Variants in COL12A1 observed in about 807,000 individuals in gnomAD.
COL12A1 encodes the protein collagen alpha-1(XII) chain.
COL12A1 carries 114 observed loss-of-function variants against 349.7 expected under a neutral mutation model. The observed-to-expected ratio is 0.33, with a 90% CI of 0.28 to 0.38. The LOEUF is 0.38. COL12A1 is among the 10% of genes least tolerant of loss of function. The pLI is 1.00. For synonymous variants in COL12A1, 1,369 were observed against 1,329.0 expected (o/e 1.03, Z -0.66); for missense variants, 3,284 against 3,756.9 (o/e 0.87, Z 3.29).
At position 75,143,142 on chromosome 6, in the gene COL12A1, A is replaced by G. The variant is rs1044059812; in HGVS notation, c.4827+110T>C. 5 of 1,283,976 alleles carry G rather than the reference A, an allele frequency of 3.9e-6. No homozygotes were observed. In the African/African-American group the frequency reaches 5.9e-5, roughly 15 times the overall value. 79.5% of individuals were successfully genotyped at this position (1,283,976 alleles called of 1,614,324 possible). A position where few individuals can be genotyped will look rare whatever the true frequency, so the allele number is the denominator to read the frequency against. On this transcript the variant is annotated intron_variant, in intron 26 of 65. Transcript: ENST00000322507. ...ATCACAAGTTTTCAACACTGTGTTA[A>G]CAAAGTGACAAGTATTCAAAACATG...
chr6:75,177,673 G>T lies in COL12A1; in HGVS notation c.2427C>A (p.Ala809=). The part of the protein sequence containing the change: ...GPGTPLTGNA[A]TEEVRGNPRD... ...GCATATTTCCTCTACCTTCTTCAGTGGCTGCATTTCCAGTTAATGGAGTAC... is the reference window on the plus strand; with the variant it reads ...GCATATTTCCTCTACCTTCTTCAGTTGCTGCATTTCCAGTTAATGGAGTAC... The change falls in exon 12 of 66, where the codon GCC becomes GCA. Residue 809 remains alanine, a synonymous_variant. Coordinates refer to ENST00000322507, the MANE Select transcript of COL12A1 (RefSeq NM_004370.6). 1 of 1,614,050 alleles carries T rather than the reference G, an allele frequency of 6.2e-7. No homozygotes were observed. Among genetic ancestry groups the T allele is most frequent in the Non-Finnish European group, 8.5e-7 (1 of 1,180,016 alleles).
intron 21 of COL12A1, among the ~76,000 whole-genome samples, chr6:75,148,802 C>T (rs1005399800): frequency 6.6e-5 from 10 of 152,156 alleles, no homozygotes; most frequent in Non-Finnish European, 8.8e-5. Flanking sequence ...ACTCAAGACC[C>T]GATATGGTTT....
At chr6:75,129,938 A>G (rs1209125471) in intron 37 of COL12A1, among the ~76,000 whole-genome samples, 153 bp downstream of exon 37, 1 of 152,208 alleles carries the variant, frequency 6.6e-6, no homozygotes, top group Non-Finnish European at 1.5e-5. Context: ...AAGTAAGCAC[A>G]TTTGGGTGGT....
intron 1 of COL12A1, among the ~76,000 whole-genome samples, chr6:75,203,528 T>A (rs991765971): frequency 9.9e-5 from 15 of 152,256 alleles, no homozygotes; most frequent in African/African-American, 3.6e-4. Flanking sequence ...TTCCAACGTG[T>A]TTTTAAATAA....
intron 1 of COL12A1, among the ~76,000 whole-genome samples, chr6:75,203,175 A>G (rs1367117515): frequency 1.4e-5 from 2 of 139,996 alleles, no homozygotes; most frequent in Non-Finnish European, 3.1e-5. Flanking sequence ...TCAACTAAAT[A>G]TCTCTTCCAG....
In COL12A1 at chr6:75,123,339, C is replaced by T. The variant is rs767539024; in HGVS notation, c.6937G>A (p.Ala2313Thr). Reference sequence around the variant, plus strand: ...ATTTAGCTGTACTTACCATCCCGGGCTGGTGGAATGGTGGGAGGGGGAGGA... The same window carrying T: ...ATTTAGCTGTACTTACCATCCCGGGTTGGTGGAATGGTGGGAGGGGGAGGA... ...TPPPPPTIPP[A>T]RDVCKGAKAD... Residue 2313 changes from alanine (A) to threonine (T), a missense_variant, in exon 43 of 66, where the codon GCC (alanine) becomes ACC (threonine). This residue lies in a region of COL12A1 where 2,601 missense variants were observed against 2,824.8 expected (regional missense o/e 0.92). Coordinates refer to ENST00000322507, the MANE Select transcript of COL12A1 (RefSeq NM_004370.6). 6.2e-7 allele frequency: 1 copy of T among 1,609,384 alleles called. No individual in the cohort carries two copies. Among genetic ancestry groups the T allele is most frequent in the Admixed American group, 1.7e-5 (1 of 59,656 alleles).
chr6:75,128,540 T>G, intron 37 of COL12A1, 115 bp from the exon 38 acceptor site: 1 of 863,024 alleles, frequency 1.2e-6, no homozygotes. Flanking sequence ...TCACATTTTA[T>G]TTTTGTTACA....
In COL12A1 at chr6:75,094,108, C is replaced by T. The variant is rs75188639; in HGVS notation, c.8649+1000G>A. Among the ~76,000 whole-genome samples the T allele has an allele frequency of 1.1e-3, 169 of 151,864 alleles. 2 individuals are homozygous for T. The highest frequency in any genetic ancestry group is 8.6e-3 in the East Asian group (43 of 4,978). On this transcript the variant is annotated intron_variant, in intron 60 of 65. Coordinates refer to ENST00000322507, the MANE Select transcript of COL12A1 (RefSeq NM_004370.6). Reference sequence around the variant, plus strand: ...TGTCATTCTTTTTAACCTAATATATCAGGAGTCCTTCTATCTTTATGTTGC... The same window carrying T: ...TGTCATTCTTTTTAACCTAATATATTAGGAGTCCTTCTATCTTTATGTTGC...
rs765131102 is a variant in COL12A1, at chr6:75,156,257, C to T, written c.3250G>A (p.Ala1084Thr). The change falls in exon 15 of 66, where the codon GCT becomes ACT. Residue 1084 changes from alanine to threonine, a missense_variant and splice_region_variant. This residue lies in a region of COL12A1 where 2,601 missense variants were observed against 2,824.8 expected (regional missense o/e 0.92). Coordinates refer to ENST00000322507, the MANE Select transcript of COL12A1 (RefSeq NM_004370.6). The stretch of plus-strand genomic sequence containing the variant: ...TCAAAATATAATTATTATTTCATAC[C>T]TGTTGTTCCTGATCCTTGCCTAAGC... ...GKLRQGSGTTASRFKSPRNLK... is the reference protein window; with the variant it reads ...GKLRQGSGTTTSRFKSPRNLK... 4 of 1,613,460 alleles carry T rather than the reference C, an allele frequency of 2.5e-6. No individual in the cohort carries two copies. The highest frequency in any genetic ancestry group is 3.4e-6 in the Non-Finnish European group (4 of 1,179,648).
chr6:75,199,398 T>G (rs1006023277), intron 2 of COL12A1, among the ~76,000 whole-genome samples: 2 of 152,116 alleles, frequency 1.3e-5, no homozygotes, highest in African/African-American at 4.8e-5. Context: ...TACAAATTAG[T>G]CTCAACCTAG....
intron 37 of COL12A1, among the ~76,000 whole-genome samples, chr6:75,129,093 T>C (rs1766169674): frequency 1.3e-5 from 2 of 152,232 alleles, no homozygotes; most frequent in Admixed American, 6.5e-5. Context: ...ATAAATTGTA[T>C]TTTTAATGTT....
rs1393238765 is a variant in COL12A1, at chr6:75,102,603, T to A, written c.8409A>T (p.Gly2803=). The change falls in exon 56 of 66, where the codon GGA becomes GGT. Residue 2803 remains glycine, a synonymous_variant. Transcript: ENST00000322507. ...AGAAAGGCTTTGTGCTTACTTGCTCTCCCGGAATAGAGAGTCCATTGGGTC... is the reference window on the plus strand; with the variant it reads ...AGAAAGGCTTTGTGCTTACTTGCTCACCCGGAATAGAGAGTCCATTGGGTC... ...PQGPNGLSIP[G]EQGRQGMKGD... 6.5e-7 allele frequency: 1 copy of A among 1,536,706 alleles called. No individual in the cohort carries two copies. Among genetic ancestry groups the A allele is most frequent in the Admixed American group, 2.1e-5 (1 of 46,786 alleles).
chr6:75,152,603 C>A, intron 17 of COL12A1, 121 bp from the exon 18 acceptor site: 1 of 1,080,078 alleles, frequency 9.3e-7, no homozygotes, highest in South Asian at 1.4e-5. Flanking sequence ...TATGGTCTAG[C>A]TCAGTGATGT....
In COL12A1 at chr6:75,201,630, A is replaced by G. The variant is rs181967673; in HGVS notation, c.73+1090T>C. Among the ~76,000 whole-genome samples the G allele has an allele frequency of 7.7e-3, 1,020 of 131,678 alleles. 7 individuals are homozygous for G. The highest frequency in any genetic ancestry group is 0.025 in the Middle Eastern group (7 of 282). 86.4% of individuals were successfully genotyped at this position (131,678 alleles called of 152,430 possible). A position where few individuals can be genotyped will look rare whatever the true frequency, so the allele number is the denominator to read the frequency against. The stretch of plus-strand genomic sequence containing the variant: ...CTTCATCAGGGGTATTTCTTTACTG[A>G]AAAAAAAAAAAGATATCTTTCATGA... On this transcript the variant is annotated intron_variant, in intron 2 of 65. Coordinates refer to ENST00000322507, the MANE Select transcript of COL12A1 (RefSeq NM_004370.6).
rs183031128 is a variant in COL12A1 at position 75,162,862 on chromosome 6, G to A, written c.2983+2645C>T. Reference sequence around the variant, plus strand: ...AAAAAGTTGGCAAAGGATATTAATGGACACTTCTCAAAAGAAGACATTTAT... The same window carrying A: ...AAAAAGTTGGCAAAGGATATTAATGAACACTTCTCAAAAGAAGACATTTAT... On this transcript the variant is annotated intron_variant, in intron 14 of 65. Transcript: ENST00000322507. Among the ~76,000 whole-genome samples, 26 of 152,164 alleles carry A rather than the reference G, an allele frequency of 1.7e-4. No homozygotes were observed. The East Asian group carries it at 5.0e-3, about 29-fold the overall frequency.
intron 49 of COL12A1, among the ~76,000 whole-genome samples, chr6:75,114,393 A>G (rs1393638835): frequency 6.6e-6 from 1 of 152,026 alleles, no homozygotes; most frequent in Non-Finnish European, 1.5e-5. Flanking sequence ...GAATTGATTG[A>G]AAGGAAATGT....
intron 13 of COL12A1, among the ~76,000 whole-genome samples, chr6:75,174,543 G>A (rs1276075716): frequency 6.6e-6 from 1 of 152,034 alleles, no homozygotes; most frequent in Non-Finnish European, 1.5e-5. Flanking sequence ...GCGAAAGAGC[G>A]AGACTCTGTC....
intron 12 of COL12A1, 74 bp from the exon 13 acceptor site, chr6:75,175,384 A>G (rs1439251629): frequency 1.3e-6 from 2 of 1,515,124 alleles, no homozygotes; most frequent in African/African-American, 2.8e-5. Flanking sequence ...TTGTTACTTT[A>G]CTTATGCATG....
In COL12A1 at chr6:75,156,279, A is replaced by G. The variant is rs1200747699; in HGVS notation, c.3228T>C (p.Leu1076=). The part of the protein sequence containing the change: ...LPIYKMGEGK[L]RQGSGTTASR... ...TACCTGTTGTTCCTGATCCTTGCCT[A>G]AGCTTTCCTTCTCCCATCTTGTAAA... Residue 1076 remains leucine (L), a synonymous_variant, in exon 15 of 66, where the codon CTT becomes CTC. Transcript: ENST00000322507. 2 of 1,613,608 alleles carry G rather than the reference A, an allele frequency of 1.2e-6. No individual in the cohort carries two copies. Among genetic ancestry groups the G allele is most frequent in the Admixed American group, 1.7e-5 (1 of 59,978 alleles).
Sources: allele counts gnomAD v4.1 joint callset (sites outside exome capture counted in the v4.1 genomes callset), GRCh38; gene constraint gnomAD v4.1.1; regional missense constraint gnomAD v4.1.1; transcripts MANE v1.5; gene names NCBI Gene and HGNC (gene_info 2026-07-23, HGNC 2026-07-21).